The following PCDHA6 variants were observed in gnomAD, a reference collection of about 807,000 sequenced individuals.
The protein encoded by PCDHA6 is protocadherin alpha 6.
PCDHA6 carries 55 observed loss-of-function variants against 60.3 expected under a neutral mutation model. The observed-to-expected ratio is 0.91, with a 90% CI of 0.73 to 1.14. The LOEUF is 1.14. PCDHA6 is among the 50% of genes most tolerant of loss of function. The pLI, the probability that PCDHA6 is intolerant of heterozygous loss-of-function variation, is 0.00. For synonymous variants in PCDHA6, 652 were observed against 557.9 expected, an observed-to-expected ratio of 1.17 and a Z score of -2.38; for missense variants, 1,327 against 1,256.5, an observed-to-expected ratio of 1.06 and a Z score of -0.85.
At chr5:140,987,211 C>T (rs1190567678) in intron 3 of PCDHA6, among the ~76,000 whole-genome samples, 2 of 145,072 alleles carry the variant, frequency 1.4e-5, no homozygotes, top group Non-Finnish European at 3.0e-5. Flanking sequence ...GAGACTCCAT[C>T]TCAAAAAAAA....
chr5:141,002,399 T>C (rs1352771753), intron 3 of PCDHA6, among the ~76,000 whole-genome samples: 1 of 152,236 alleles, frequency 6.6e-6, no homozygotes, highest in African/African-American at 2.4e-5. Context: ...GGCATCTCTG[T>C]GCCTCCCAAA....
intron 1 of PCDHA6, among the ~76,000 whole-genome samples, chr5:140,898,794 T>G (rs1487494121): frequency 1.3e-5 from 2 of 152,236 alleles, no homozygotes; most frequent in East Asian, 3.8e-4. Flanking sequence ...ATGGCCATTT[T>G]CACGATACTG....
chr5:140,967,691 A>G (rs1586235214), intron 1 of PCDHA6: 1 of 1,614,162 alleles, frequency 6.2e-7, no homozygotes, highest in East Asian at 2.2e-5. Flanking sequence ...GCAGCTCTTC[A>G]GCATAGATGC....
chr5:140,842,171 C>T, intron 1 of PCDHA6: 8 of 1,613,804 alleles, frequency 5.0e-6, no homozygotes, highest in Non-Finnish European at 6.8e-6. Flanking sequence ...TTTTAATAGC[C>T]TTGTTGAAAC....
rs2150385569 is a variant in PCDHA6 at position 140,846,184 on chromosome 5, G to T, written c.2394+15699G>T. 1.3e-5 allele frequency among the ~76,000 whole-genome samples: 2 copies of T among 149,364 alleles called. 1 individual carries two copies. Among genetic ancestry groups the T allele is most frequent in the Non-Finnish European group, 3.0e-5 (2 of 66,864 alleles). ...CCTGCAGAGGCCTGAGTAGGCGTTT[G>T]AGTTCTTTGTATGTATGAGATCTTT... On this transcript the variant is annotated intron_variant, in intron 1 of 3. Coordinates refer to ENST00000529310, the MANE Select transcript of PCDHA6 (RefSeq NM_018909.4).
At chr5:141,004,156 A>G (rs2098155888) in intron 3 of PCDHA6, among the ~76,000 whole-genome samples, 1 of 152,248 alleles carries the variant, frequency 6.6e-6, no homozygotes, top group Admixed American at 6.5e-5. Flanking sequence ...GACATTTTAT[A>G]GGCAAAGCCA....
chr5:140,930,411 A>C (rs1554207797), intron 1 of PCDHA6: 2 of 149,218 alleles, frequency 1.3e-5, no homozygotes, highest in African/African-American at 2.5e-5. Context: ...TTTTTGAGAC[A>C]GGGGTCTCAC....
chr5:140,845,542 A>G (rs927156983), intron 1 of PCDHA6, among the ~76,000 whole-genome samples: 3 of 149,498 alleles, frequency 2.0e-5, no homozygotes, highest in African/African-American at 7.3e-5. Flanking sequence ...TATTCTAATT[A>G]TGGTGATGCT....
intron 3 of PCDHA6, among the ~76,000 whole-genome samples, chr5:141,007,284 C>T (rs2098312696): frequency 6.6e-6 from 1 of 151,430 alleles, no homozygotes; most frequent in Admixed American, 6.6e-5. Context: ...GTGCAGTGGG[C>T]TCATGCCTGT....
intron 1 of PCDHA6, chr5:140,875,192 C>T (rs2055339316): frequency 2.0e-6 from 1 of 509,102 alleles, no homozygotes. Flanking sequence ...AAGAGTGACC[C>T]AGGAAGTGGC....
At chr5:140,919,355 A>C (rs2079096245) in intron 1 of PCDHA6, among the ~76,000 whole-genome samples, 1 of 152,174 alleles carries the variant, frequency 6.6e-6, no homozygotes, top group South Asian at 2.1e-4. Flanking sequence ...TTGAATCTAA[A>C]AGTGTCTCCT....
At chr5:140,888,487 A>G (rs2061843954) in intron 1 of PCDHA6, among the ~76,000 whole-genome samples, 1 of 152,162 alleles carries the variant, frequency 6.6e-6, no homozygotes, top group Admixed American at 6.5e-5. Context: ...CTGTTGAGAA[A>G]CTCTGCTTTA....
chr5:140,877,268 C>T, intron 1 of PCDHA6: 1 of 1,613,828 alleles, frequency 6.2e-7, no homozygotes, highest in South Asian at 1.1e-5. Flanking sequence ...GCGGTGGACG[C>T]TGACTCCGGC....
chr5:140,835,998 G>A lies in PCDHA6; in HGVS notation c.2394+5513G>A, dbSNP rs2150249955. On this transcript the variant is annotated intron_variant, in intron 1 of 3. Transcript: ENST00000529310. The stretch of plus-strand genomic sequence containing the variant: ...GTTGCAGTTCCAGGTGAGCGCGCGC[G>A]ATGCGGGCGTGCCGCCTCTGGGCAG... 5.0e-6 allele frequency: 8 copies of A among 1,613,264 alleles called. No individual in the cohort carries two copies. The highest frequency in any genetic ancestry group is 1.1e-5 in the South Asian group (1 of 91,076).
Position 140,857,636 on chromosome 5 carries a change from C to T in PCDHA6, c.2394+27151C>T, listed in dbSNP as rs370617893. The T allele has an allele frequency of 1.0e-4, 159 of 1,596,480 alleles. 20 individuals are homozygous for T. The highest frequency in any genetic ancestry group is 1.3e-4 in the Non-Finnish European group (153 of 1,167,700). Reference sequence around the variant, plus strand: ...GCTGGACCACGAGGAGCTGGAGCTGCTACAGTTCCAGGTGAGCGCGCGCGA... The same window carrying T: ...GCTGGACCACGAGGAGCTGGAGCTGTTACAGTTCCAGGTGAGCGCGCGCGA... On this transcript the variant is annotated intron_variant, in intron 1 of 3. Transcript: ENST00000529310.
At chr5:140,878,747 A>G (rs1371286502) in intron 1 of PCDHA6, among the ~76,000 whole-genome samples, 1 of 152,186 alleles carries the variant, frequency 6.6e-6, no homozygotes, top group Non-Finnish European at 1.5e-5. Context: ...ACTTTCTTAC[A>G]TATCTTTAGT....
At chr5:140,877,443 C>T (rs376417721) in intron 1 of PCDHA6, 1 of 1,613,844 alleles carries the variant, frequency 6.2e-7, no homozygotes, top group East Asian at 2.2e-5. Flanking sequence ...ACGGTGAGCC[C>T]GCGCTGACGT....
At chr5:141,002,449 C>G (rs2098081029) in intron 3 of PCDHA6, among the ~76,000 whole-genome samples, 1 of 152,192 alleles carries the variant, frequency 6.6e-6, no homozygotes, top group African/African-American at 2.4e-5. Flanking sequence ...ATAATTGGCA[C>G]ATTTGTATAA....
intron 2 of PCDHA6, among the ~76,000 whole-genome samples, chr5:140,981,353 C>G (rs551731316): frequency 6.6e-6 from 1 of 152,048 alleles, no homozygotes; most frequent in East Asian, 1.9e-4. Context: ...GCAGGTGGAT[C>G]ACTTGAGGTC....
Sources: allele counts gnomAD v4.1 joint callset (sites outside exome capture counted in the v4.1 genomes callset), GRCh38; gene constraint gnomAD v4.1.1; transcripts MANE v1.5; gene names NCBI Gene and HGNC (gene_info 2026-07-23, HGNC 2026-07-21).